Variants in SOX21 observed in about 807,000 individuals in gnomAD.
The protein encoded by SOX21 is transcription factor SOX-21.
For missense variants in SOX21, 370 were observed against 388.8 expected (o/e 0.95, Z 0.41); for synonymous variants, 237 against 189.7 (o/e 1.25, Z -2.05).
At position 94,712,418 on chromosome 13, in the gene SOX21, G is replaced by C; in HGVS notation, c.-369C>G. Reference sequence around the variant, plus strand: ...GCCGGGCAGAGCGCTCCTCCTCCTCGGTCGTTCTCTCTTAAATGCAAAGCG... The same window carrying C: ...GCCGGGCAGAGCGCTCCTCCTCCTCCGTCGTTCTCTCTTAAATGCAAAGCG... On this transcript the variant is annotated 5_prime_UTR_variant, in exon 1 of 1. Transcript: ENST00000376945. The surrounding 1 kb of genome is among the most constrained non-coding windows in gnomAD (Gnocchi z 5.0). The C allele has an allele frequency of 4.0e-6, 4 of 1,010,780 alleles. No individual in the cohort carries two copies. Among genetic ancestry groups the C allele is most frequent in the Non-Finnish European group, 4.7e-6 (4 of 848,350 alleles). The allele number at this position is 1,010,780 out of a possible 1,614,324, so 62.6% of individuals were successfully genotyped here.
Position 94,712,313 on chromosome 13 carries a change from G to A in SOX21, c.-264C>T. 1 of 1,147,630 alleles carries A rather than the reference G, an allele frequency of 8.7e-7. No individual in the cohort carries two copies. Among genetic ancestry groups the A allele is most frequent in the Non-Finnish European group, 1.1e-6 (1 of 937,042 alleles). 71.1% of individuals were successfully genotyped at this position (1,147,630 alleles called of 1,614,324 possible). A position where few individuals can be genotyped will look rare whatever the true frequency, so the allele number is the denominator to read the frequency against. On this transcript the variant is annotated 5_prime_UTR_variant, in exon 1 of 1. Coordinates refer to ENST00000376945, the MANE Select transcript of SOX21 (RefSeq NM_007084.4). The surrounding 1 kb of genome is among the most constrained non-coding windows in gnomAD (Gnocchi z 5.0). ...CTTCTCGGCGGTGCCCCCTCCCCGC[G>A]GCGGCAGTTTGCCCTTTACGTTCTT...
At position 94,711,226 on chromosome 13, in the gene SOX21, G is replaced by T; in HGVS notation, c.824C>A (p.Ala275Glu). ...LDPYPAAYAA[A>E]L ...CGAGGCGGCCCCGCGGGGTCATAGC[G>T]CGGCAGCGTAGGCCGCGGGGTAGGG... The change falls in exon 1 of 1, where the codon GCG becomes GAG. Residue 275 changes from alanine to glutamate, a missense_variant. Physicochemically the swap from Ala to Glu is moderately radical, Grantham distance 107 (BLOSUM62 -1). Coordinates refer to ENST00000376945, the MANE Select transcript of SOX21 (RefSeq NM_007084.4). 7.4e-7 allele frequency: 1 copy of T among 1,348,730 alleles called. No homozygotes were observed. The allele number at this position is 1,348,730 out of a possible 1,614,324, so 83.5% of individuals were successfully genotyped here.
In SOX21 at chr13:94,711,552, C is replaced by CGCGGCGGCGGCG. The variant is rs760919823; in HGVS notation, c.486_497dup (p.Ala163_Ala166dup). 1.0e-5 allele frequency: 10 copies of CGCGGCGGCGGCG among 961,602 alleles called. No homozygotes were observed. The highest frequency in any genetic ancestry group is 1.2e-5 in the Non-Finnish European group (10 of 801,486). The allele number at this position is 961,602 out of a possible 1,614,324, so 59.6% of individuals were successfully genotyped here. A position where few individuals can be genotyped will look rare whatever the true frequency, so the allele number is the denominator to read the frequency against. ...GGTCGAGCAGCGAGTAGGGGCTGCC[C>CGCGGCGGCGGCG]GCGGCGGCGGCGGCGGCGGCAGCGG... is the stretch of plus-strand genomic sequence containing the variant. On this transcript the variant is annotated inframe_insertion, in exon 1 of 1. Transcript: ENST00000376945.
At position 94,711,883 on chromosome 13, in the gene SOX21, G is replaced by T. The variant is rs779460000; in HGVS notation, c.167C>A (p.Pro56Gln). The T allele has an allele frequency of 1.2e-6, 2 of 1,613,974 alleles. No homozygotes were observed. The highest frequency in any genetic ancestry group is 1.1e-5 in the South Asian group (1 of 91,086). The change falls in exon 1 of 1, where the codon CCG becomes CAG. Residue 56 changes from proline to glutamine, a missense_variant. Coordinates refer to ENST00000376945, the MANE Select transcript of SOX21 (RefSeq NM_007084.4). Reference sequence around the variant, plus strand: ...TAGACGCTTGGCCTCGTCGATGAACGGCCGCTTCTCCGACTCTGTGAGCAG... The same window carrying T: ...TAGACGCTTGGCCTCGTCGATGAACTGCCGCTTCTCCGACTCTGTGAGCAG... ...WKLLTESEKRPFIDEAKRLRA... is the reference protein window; with the variant it reads ...WKLLTESEKRQFIDEAKRLRA...
chr13:94,711,365 G>C lies in SOX21; in HGVS notation c.685C>G (p.Pro229Ala), dbSNP rs1311630153. The C allele has an allele frequency of 8.7e-6, 11 of 1,257,298 alleles. 1 individual carries two copies. The highest frequency in any genetic ancestry group is 7.8e-5 in the African/African-American group (5 of 64,070). The allele number at this position is 1,257,298 out of a possible 1,614,324, so 77.9% of individuals were successfully genotyped here. A position where few individuals can be genotyped will look rare whatever the true frequency, so the allele number is the denominator to read the frequency against. The change falls in exon 1 of 1, where the codon CCG becomes GCG. Residue 229 changes from proline (P) to alanine (A), a missense_variant. Transcript: ENST00000376945. ...GGGATCATGTAGCCCGGGTTGCCCG[G>C]GCTGGGGTGCGAGTGCGTGTGCCCC... Reference protein sequence around the residue: ...AGGHTHSHPSPGNPGYMIPCN... With the variant: ...AGGHTHSHPSAGNPGYMIPCN...
In SOX21 at chr13:94,711,368, T is replaced by G; in HGVS notation, c.682A>C (p.Ser228Arg). The G allele has an allele frequency of 8.0e-7, 1 of 1,251,328 alleles. No individual in the cohort carries two copies. Among genetic ancestry groups the G allele is most frequent in the Non-Finnish European group, 1.0e-6 (1 of 999,742 alleles). The allele number at this position is 1,251,328 out of a possible 1,614,324, so 77.5% of individuals were successfully genotyped here. Reference protein sequence around the residue: ...AAGGHTHSHPSPGNPGYMIPC... With the variant: ...AAGGHTHSHPRPGNPGYMIPC... Reference sequence around the variant, plus strand: ...ATCATGTAGCCCGGGTTGCCCGGGCTGGGGTGCGAGTGCGTGTGCCCCCCG... The same window carrying G: ...ATCATGTAGCCCGGGTTGCCCGGGCGGGGGTGCGAGTGCGTGTGCCCCCCG... Residue 228 changes from serine to arginine, a missense_variant, in exon 1 of 1, where the codon AGC becomes CGC. Transcript: ENST00000376945.
chr13:94,711,644 T>C lies in SOX21; in HGVS notation c.406A>G (p.Lys136Glu), dbSNP rs760731647. Residue 136 changes from lysine to glutamate, a missense_variant, in exon 1 of 1, where the codon AAG (lysine) becomes GAG (glutamate). Coordinates refer to ENST00000376945, the MANE Select transcript of SOX21 (RefSeq NM_007084.4). Reference protein sequence around the residue: ...VPESLLANPEKAAAAAAAAAA... With the variant: ...VPESLLANPEEAAAAAAAAAA... The stretch of plus-strand genomic sequence containing the variant: ...GCAGCGGCGGCGGCCGCGGCCGCCT[T>C]CTCGGGATTGGCGAGCAGCGACTCA... 7.7e-7 allele frequency: 1 copy of C among 1,296,384 alleles called. No individual in the cohort carries two copies. Among genetic ancestry groups the C allele is most frequent in the South Asian group, 2.4e-5 (1 of 41,866 alleles). The allele number at this position is 1,296,384 out of a possible 1,614,324, so 80.3% of individuals were successfully genotyped here.
Position 94,711,435 on chromosome 13 carries a change from G to A in SOX21, c.615C>T (p.Phe205=). Residue 205 remains phenylalanine, a synonymous_variant, in exon 1 of 1, where the codon TTC becomes TTT. Coordinates refer to ENST00000376945, the MANE Select transcript of SOX21 (RefSeq NM_007084.4). ...LGYPTAGAGA[F]HGAAAAAAAA... ...CTGCAGCCGCCGCCGCCGCGCCGTG[G>A]AAGGCGCCCGCGCCCGCGGTCGGGT... is the stretch of plus-strand genomic sequence containing the variant. The A allele has an allele frequency of 9.2e-7, 1 of 1,091,996 alleles. No individual in the cohort carries two copies. The allele number at this position is 1,091,996 out of a possible 1,614,324, so 67.6% of individuals were successfully genotyped here. A position where few individuals can be genotyped will look rare whatever the true frequency, so the allele number is the denominator to read the frequency against.
rs1267437381 is a variant in SOX21, at chr13:94,710,053, T to C, written c.*1166A>G. 1 of 152,242 alleles carries C rather than the reference T, an allele frequency of 6.6e-6. No individual in the cohort carries two copies. The highest frequency in any genetic ancestry group is 2.4e-5 in the African/African-American group (1 of 41,464). The allele number at this position is 152,242 out of a possible 1,614,324, so 9.4% of individuals were successfully genotyped here. On this transcript the variant is annotated 3_prime_UTR_variant, in exon 1 of 1. Transcript: ENST00000376945. ...ATGCTAGCTGAAAATGAGAGACATCTGTTGAAACAATTCTGTGCTTTTTTT... is the reference window on the plus strand; with the variant it reads ...ATGCTAGCTGAAAATGAGAGACATCCGTTGAAACAATTCTGTGCTTTTTTT...
Position 94,712,010 on chromosome 13 carries a change from C to T in SOX21, c.40G>A (p.Ala14Thr). ...TGAGCCCGCGACCACACCATGAAGG[C>T]GTTCATGGGCCGCTTGACGTGGTCC... ...PVDHVKRPMNAFMVWSRAQRR... is the reference protein window; with the variant it reads ...PVDHVKRPMNTFMVWSRAQRR... The change falls in exon 1 of 1, where the codon GCC (alanine) becomes ACC (threonine). Residue 14 changes from alanine to threonine, a missense_variant. Physicochemically the swap from Ala to Thr is moderately conservative, Grantham distance 58 (BLOSUM62 0). Coordinates refer to ENST00000376945, the MANE Select transcript of SOX21 (RefSeq NM_007084.4). The surrounding 1 kb of genome is among the most constrained non-coding windows in gnomAD (Gnocchi z 5.0). 2 of 1,613,956 alleles carry T rather than the reference C, an allele frequency of 1.2e-6. No homozygotes were observed. Among genetic ancestry groups the T allele is most frequent in the Non-Finnish European group, 1.7e-6 (2 of 1,179,920 alleles).
Position 94,711,611 on chromosome 13 carries a change from GTGCGGCGGCAGCGGC to G in SOX21, c.424_438del (p.Ala142_Ala146del), listed in dbSNP as rs985846012. The G allele has an allele frequency of 8.2e-7, 1 of 1,225,784 alleles. No individual in the cohort carries two copies. Among genetic ancestry groups the G allele is most frequent in the Non-Finnish European group, 1.0e-6 (1 of 980,050 alleles). 75.9% of individuals were successfully genotyped at this position (1,225,784 alleles called of 1,614,324 possible). On this transcript the variant is annotated inframe_deletion, in exon 1 of 1. Coordinates refer to ENST00000376945, the MANE Select transcript of SOX21 (RefSeq NM_007084.4). Reference sequence around the variant, plus strand: ...GCGGCCGACTGCGGGAAGAAGACGCGTGCGGCGGCAGCGGCGGCGGCCGCGGCCGCCTTCTCGGGA... The same window carrying G: ...GCGGCCGACTGCGGGAAGAAGACGCGGGCGGCCGCGGCCGCCTTCTCGGGA...
rs1392972224 is a variant in SOX21, at chr13:94,711,811, C to T, written c.239G>A (p.Arg80Gln). 6.2e-7 allele frequency: 1 copy of T among 1,613,840 alleles called. No homozygotes were observed. Among genetic ancestry groups the T allele is most frequent in the South Asian group, 1.1e-5 (1 of 91,084 alleles). Residue 80 changes from arginine (R) to glutamine (Q), a missense_variant, in exon 1 of 1, where the codon CGG (arginine) becomes CAG (glutamine). Physicochemically the swap from Arg to Gln is conservative, Grantham distance 43. Coordinates refer to ENST00000376945, the MANE Select transcript of SOX21 (RefSeq NM_007084.4). The stretch of plus-strand genomic sequence containing the variant: ...CTTGAGCAGCGTCTTGGGCTTGCGC[C>T]GCGGCCGGTACTTGTAGTCGGGGTG... Reference protein sequence around the residue: ...KEHPDYKYRPRRKPKTLLKKD... With the variant: ...KEHPDYKYRPQRKPKTLLKKD...
At position 94,711,311 on chromosome 13, in the gene SOX21, C is replaced by CA; in HGVS notation, c.738_739insT (p.Gly247TrpfsTer49). On this transcript the variant is annotated frameshift_variant, in exon 1 of 1. Transcript: ENST00000376945. LOFTEE classifies it high-confidence loss of function. ...ATGTAGGCGAGCGGCGGCTGCAGCC[C>CA]GGGGCTGGGCCACGCGCTGCAGTTG... is the stretch of plus-strand genomic sequence containing the variant. 1 of 1,329,708 alleles carries CA rather than the reference C, an allele frequency of 7.5e-7. No homozygotes were observed. The highest frequency in any genetic ancestry group is 2.2e-5 in the South Asian group (1 of 44,934). The allele number at this position is 1,329,708 out of a possible 1,614,324, so 82.4% of individuals were successfully genotyped here. A position where few individuals can be genotyped will look rare whatever the true frequency, so the allele number is the denominator to read the frequency against.
At position 94,712,363 on chromosome 13, in the gene SOX21, TTGC is replaced by T; in HGVS notation, c.-317_-315del. The T allele has an allele frequency of 1.9e-6, 2 of 1,054,100 alleles. No homozygotes were observed. Among genetic ancestry groups the T allele is most frequent in the Non-Finnish European group, 2.3e-6 (2 of 876,760 alleles). The allele number at this position is 1,054,100 out of a possible 1,614,324, so 65.3% of individuals were successfully genotyped here. A position where few individuals can be genotyped will look rare whatever the true frequency, so the allele number is the denominator to read the frequency against. On this transcript the variant is annotated 5_prime_UTR_variant, in exon 1 of 1. Coordinates refer to ENST00000376945, the MANE Select transcript of SOX21 (RefSeq NM_007084.4). The surrounding 1 kb of genome is among the most constrained non-coding windows in gnomAD (Gnocchi z 5.0). ...TTGGGTCCTTCGTCTGCAGTGGCGTTTGCTGGTGAGCTCCCCGCAGGTAGCGGC... is the reference window on the plus strand; with the variant it reads ...TTGGGTCCTTCGTCTGCAGTGGCGTTTGGTGAGCTCCCCGCAGGTAGCGGC...
chr13:94,711,315 G>A lies in SOX21; in HGVS notation c.735C>T (p.Ser245=), dbSNP rs1278934729. The change falls in exon 1 of 1, where the codon AGC becomes AGT. Residue 245 remains serine, a synonymous_variant. Transcript: ENST00000376945. ...AGGCGAGCGGCGGCTGCAGCCCGGG[G>A]CTGGGCCACGCGCTGCAGTTGCACG... ...MIPCNCSAWP[S]PGLQPPLAYI... The A allele has an allele frequency of 1.5e-6, 2 of 1,320,668 alleles. No individual in the cohort carries two copies. Among genetic ancestry groups the A allele is most frequent in the South Asian group, 4.7e-5 (2 of 42,398 alleles). The allele number at this position is 1,320,668 out of a possible 1,614,324, so 81.8% of individuals were successfully genotyped here.
chr13:94,711,614 C>T lies in SOX21; in HGVS notation c.436G>A (p.Ala146Thr). The stretch of plus-strand genomic sequence containing the variant: ...GCCGACTGCGGGAAGAAGACGCGTG[C>T]GGCGGCAGCGGCGGCGGCCGCGGCC... Reference protein sequence around the residue: ...KAAAAAAAAAARVFFPQSAAA... With the variant: ...KAAAAAAAAATRVFFPQSAAA... Residue 146 changes from alanine to threonine, a missense_variant, in exon 1 of 1, where the codon GCA (alanine) becomes ACA (threonine). Physicochemically the swap from Ala to Thr is moderately conservative, Grantham distance 58. Coordinates refer to ENST00000376945, the MANE Select transcript of SOX21 (RefSeq NM_007084.4). The T allele has an allele frequency of 1.6e-6, 2 of 1,222,994 alleles. No homozygotes were observed. The highest frequency in any genetic ancestry group is 7.4e-5 in the South Asian group (2 of 27,032). The allele number at this position is 1,222,994 out of a possible 1,614,324, so 75.8% of individuals were successfully genotyped here.
chr13:94,711,538 G>T lies in SOX21; in HGVS notation c.512C>A (p.Ser171Ter). The T allele has an allele frequency of 9.6e-7, 1 of 1,037,632 alleles. No homozygotes were observed. The highest frequency in any genetic ancestry group is 1.2e-6 in the Non-Finnish European group (1 of 856,198). The allele number at this position is 1,037,632 out of a possible 1,614,324, so 64.3% of individuals were successfully genotyped here. The change falls in exon 1 of 1, where the codon TCG (serine) becomes TAG (stop). Residue 171 changes from serine to a stop codon, truncating the protein, a stop_gained. Coordinates refer to ENST00000376945, the MANE Select transcript of SOX21 (RefSeq NM_007084.4). LOFTEE classifies it low-confidence loss of function (END_TRUNC). ...CATTTTGGAGCCCAGGTCGAGCAGCGAGTAGGGGCTGCCCGCGGCGGCGGC... is the reference window on the plus strand; with the variant it reads ...CATTTTGGAGCCCAGGTCGAGCAGCTAGTAGGGGCTGCCCGCGGCGGCGGC... Reference protein sequence around the residue: ...AAAAAAGSPYSLLDLGSKMAE... With the variant: ...AAAAAAGSPY
At position 94,712,303 on chromosome 13, in the gene SOX21, C is replaced by T. The variant is rs1875288123; in HGVS notation, c.-254G>A. 1 of 1,158,210 alleles carries T rather than the reference C, an allele frequency of 8.6e-7. No homozygotes were observed. Among genetic ancestry groups the T allele is most frequent in the Non-Finnish European group, 1.1e-6 (1 of 943,524 alleles). The allele number at this position is 1,158,210 out of a possible 1,614,324, so 71.7% of individuals were successfully genotyped here. On this transcript the variant is annotated 5_prime_UTR_variant, in exon 1 of 1. Coordinates refer to ENST00000376945, the MANE Select transcript of SOX21 (RefSeq NM_007084.4). The surrounding 1 kb of genome is among the most constrained non-coding windows in gnomAD (Gnocchi z 5.0). The stretch of plus-strand genomic sequence containing the variant: ...GACACTCTAACTTCTCGGCGGTGCC[C>T]CCTCCCCGCGGCGGCAGTTTGCCCT...
Position 94,712,229 on chromosome 13 carries a change from C to T in SOX21, c.-180G>A, listed in dbSNP as rs1298028333. 1 of 1,251,856 alleles carries T rather than the reference C, an allele frequency of 8.0e-7. No homozygotes were observed. The highest frequency in any genetic ancestry group is 1.0e-6 in the Non-Finnish European group (1 of 1,002,758). 77.5% of individuals were successfully genotyped at this position (1,251,856 alleles called of 1,614,324 possible). ...ACCAGCCCAGGGCCACGCCGCGCCCCGGGCCGCCTTAGTGTCTCCGGCCGA... is the reference window on the plus strand; with the variant it reads ...ACCAGCCCAGGGCCACGCCGCGCCCTGGGCCGCCTTAGTGTCTCCGGCCGA... On this transcript the variant is annotated 5_prime_UTR_variant, in exon 1 of 1. Coordinates refer to ENST00000376945, the MANE Select transcript of SOX21 (RefSeq NM_007084.4). The surrounding 1 kb of genome is among the most constrained non-coding windows in gnomAD (Gnocchi z 5.0).
Sources: gnomAD v4.1 joint callset for allele counts on GRCh38, gnomAD v4.1.1 for gene constraint, Gnocchi (gnomAD v3.1) non-coding constraint, MANE v1.5 for transcripts, NCBI Gene and HGNC (gene_info 2026-07-23, HGNC 2026-07-21) for gene names.